The following GLRA3 variants were observed in gnomAD, a reference collection of about 807,000 sequenced individuals.
GLRA3 encodes glycine receptor subunit alpha-3.
GLRA3 carries 44 observed loss-of-function variants against 60.4 expected under a neutral mutation model. The observed-to-expected ratio is 0.73, with a 90% CI of 0.57 to 0.94. GLRA3 has a LOEUF of 0.94. Among genes scored for constraint, GLRA3 ranks in the 40% least tolerant of loss-of-function variants. The pLI is 0.00. For synonymous variants in GLRA3, 223 were observed against 192.9 expected, an observed-to-expected ratio of 1.16 and a Z score of -1.29; for missense variants, 508 against 564.6, an observed-to-expected ratio of 0.90 and a Z score of 1.02.
chr4:174,775,449 A>G (rs944869097), intron 2 of GLRA3, among the ~76,000 whole-genome samples: 3 of 152,268 alleles, frequency 2.0e-5, no homozygotes, highest in Admixed American at 2.0e-4. Flanking sequence ...AAAGACAGAA[A>G]CCACAAATAC....
At chr4:174,754,839 A>G (rs2111204826) in intron 3 of GLRA3, among the ~76,000 whole-genome samples, 1 of 152,252 alleles carries the variant, frequency 6.6e-6, no homozygotes, top group African/African-American at 2.4e-5. Flanking sequence ...TTGGATCACT[A>G]TATAAATAGG....
intron 1 of GLRA3, among the ~76,000 whole-genome samples, chr4:174,811,131 T>TCACACAGACACAGACACA (rs780147851): frequency 3.6e-4 from 54 of 148,240 alleles, no homozygotes; most frequent in Non-Finnish European, 6.5e-4. Context: ...ATGCATGCAC[T>TCACACAGACACAGACACA]CACACAGACA....
At chr4:174,814,400 A>C (rs1199036083) in intron 1 of GLRA3, among the ~76,000 whole-genome samples, 1 of 152,134 alleles carries the variant, frequency 6.6e-6, no homozygotes, top group Non-Finnish European at 1.5e-5. Flanking sequence ...TCCACTGTCC[A>C]AGCAGTCCCT....
intron 5 of GLRA3, among the ~76,000 whole-genome samples, chr4:174,698,802 T>C (rs1735176088): frequency 6.6e-6 from 1 of 152,180 alleles, no homozygotes; most frequent in Non-Finnish European, 1.5e-5. Flanking sequence ...TTTATTGAAG[T>C]ACTTGAGAGA....
At chr4:174,805,159 C>T (rs1182821442) in intron 1 of GLRA3, among the ~76,000 whole-genome samples, 2 of 152,024 alleles carry the variant, frequency 1.3e-5, no homozygotes, top group Non-Finnish European at 2.9e-5. Flanking sequence ...AAAGGGAAGC[C>T]GTGCTGAGGA....
At chr4:174,781,558 A>G (rs1291604932) in intron 2 of GLRA3, among the ~76,000 whole-genome samples, 13 of 147,476 alleles carry the variant, frequency 8.8e-5, no homozygotes, top group Non-Finnish European at 1.9e-4. Flanking sequence ...CAAAATTGAT[A>G]GACCGCTAGC....
chr4:174,735,071 G>GCCC (rs1736716068), intron 3 of GLRA3, among the ~76,000 whole-genome samples: 1 of 152,112 alleles, frequency 6.6e-6, no homozygotes, highest in Admixed American at 6.6e-5. Context: ...TGCTCCACAA[G>GCCC]CCCCCATTCA....
intron 7 of GLRA3, among the ~76,000 whole-genome samples, chr4:174,675,955 G>T (rs1042452160): frequency 6.6e-6 from 1 of 152,044 alleles, no homozygotes. Flanking sequence ...GGTGTAGCAA[G>T]AAGATAGCAT....
chr4:174,751,867 T>C (rs893029818), intron 3 of GLRA3, among the ~76,000 whole-genome samples: 16 of 151,952 alleles, frequency 1.1e-4, no homozygotes, highest in African/African-American at 4.8e-5. Flanking sequence ...TATAAATAAA[T>C]TTACAGTTCA....
chr4:174,763,990 T>G (rs1738041205), intron 3 of GLRA3, among the ~76,000 whole-genome samples: 1 of 152,096 alleles, frequency 6.6e-6, no homozygotes, highest in Admixed American at 6.6e-5. Context: ...GAAAAAAGTT[T>G]GGTGACTATG....
chr4:174,691,400 T>A (rs1734793497), intron 5 of GLRA3, among the ~76,000 whole-genome samples: 2 of 152,038 alleles, frequency 1.3e-5, no homozygotes, highest in African/African-American at 4.8e-5. Context: ...CCCCACGGTC[T>A]CCCTCTCCCT....
chr4:174,743,582 A>G (rs1225840158), intron 3 of GLRA3, among the ~76,000 whole-genome samples: 1 of 152,150 alleles, frequency 6.6e-6, no homozygotes, highest in African/African-American at 2.4e-5. Flanking sequence ...GCATCATTCC[A>G]ATAGCACATG....
chr4:174,710,450 G>C (rs1440854795), intron 5 of GLRA3, among the ~76,000 whole-genome samples: 1 of 152,060 alleles, frequency 6.6e-6, no homozygotes, highest in Non-Finnish European at 1.5e-5. Flanking sequence ...TCTCCCGATT[G>C]AGAGGAAACT....
chr4:174,760,341 AG>A (rs1358407942), intron 3 of GLRA3, among the ~76,000 whole-genome samples: 1 of 152,210 alleles, frequency 6.6e-6, no homozygotes, highest in East Asian at 1.9e-4. Context: ...GTAAAACAAT[AG>A]GAAATCTCAT....
intron 9 of GLRA3, among the ~76,000 whole-genome samples, chr4:174,648,534 G>A (rs1378734644): frequency 2.0e-5 from 3 of 152,166 alleles, no homozygotes; most frequent in Non-Finnish European, 4.4e-5. Flanking sequence ...GCTGTGAAAT[G>A]TAACACCTCT....
intron 1 of GLRA3, among the ~76,000 whole-genome samples, chr4:174,789,529 G>C (rs1463354174): frequency 6.6e-6 from 1 of 152,132 alleles, no homozygotes; most frequent in Non-Finnish European, 1.5e-5. Context: ...TCTAAAATTT[G>C]TGTGTCAAGA....
chr4:174,813,175 TG>T (rs1377216862), intron 1 of GLRA3, among the ~76,000 whole-genome samples: 2 of 152,224 alleles, frequency 1.3e-5, no homozygotes, highest in African/African-American at 4.8e-5. Flanking sequence ...TATTTTCCAA[TG>T]AAAAGATTAA....
At chr4:174,822,029 A>G (rs1210186178) in intron 1 of GLRA3, among the ~76,000 whole-genome samples, 1 of 152,200 alleles carries the variant, frequency 6.6e-6, no homozygotes, top group African/African-American at 2.4e-5. Flanking sequence ...TAAAACAAAG[A>G]CCAGAAATGA....
At chr4:174,718,199 C>T (rs1466405025) in intron 4 of GLRA3, among the ~76,000 whole-genome samples, 3 of 152,116 alleles carry the variant, frequency 2.0e-5, no homozygotes, top group African/African-American at 7.2e-5. Context: ...CTGAAAAATA[C>T]GTGTCAACTT....
Sources: gnomAD v4.1 joint callset for allele counts (sites outside exome capture counted in the v4.1 genomes callset) on GRCh38, gnomAD v4.1.1 for gene constraint, MANE v1.5 for transcripts, NCBI Gene and HGNC (gene_info 2026-07-23, HGNC 2026-07-21) for gene names.